The following TTC31 variants were observed in gnomAD, a reference collection of about 807,000 sequenced individuals.
TTC31 encodes tetratricopeptide repeat protein 31.
Under a neutral mutation model 60.4 loss-of-function variants are expected in TTC31, and 59 were observed. The ratio of observed to expected loss-of-function variants is 0.98; its 90% CI spans 0.79 to 1.21. The LOEUF (loss-of-function observed/expected upper bound fraction) is 1.21. TTC31 is among the 50% of genes most tolerant of loss of function. The pLI, the probability that TTC31 is intolerant of heterozygous loss-of-function variation, is 0.00. For missense variants in TTC31, 672 were observed against 646.9 expected, an observed-to-expected ratio of 1.04 and a Z score of -0.42; for synonymous variants, 225 against 249.6, an observed-to-expected ratio of 0.90 and a Z score of 0.93.
chr2:74,486,674 C>T (rs564458694), intron 2 of TTC31, among the ~76,000 whole-genome samples: 5 of 152,274 alleles, frequency 3.3e-5, no homozygotes, highest in South Asian at 2.1e-4. Context: ...ACATGGATCA[C>T]CTGAGGTCAG....
intron 2 of TTC31, 176 bp downstream of exon 2, chr2:74,483,586 G>A (rs1419189420): frequency 2.0e-6 from 3 of 1,479,400 alleles, no homozygotes; most frequent in Non-Finnish European, 2.7e-6. Flanking sequence ...CAGGGGATCA[G>A]GAGGATGATC....
intron 4 of TTC31, 59 bp from the exon 5 acceptor site, chr2:74,490,597 T>G (rs1436523273): frequency 2.5e-6 from 4 of 1,582,234 alleles, no homozygotes; most frequent in Non-Finnish European, 3.4e-6. Flanking sequence ...CCCCCTTTCA[T>G]GTTTGCTCTC....
chr2:74,492,938 G>C lies in TTC31; in HGVS notation c.1280G>C (p.Gly427Ala). 6.2e-7 allele frequency: 1 copy of C among 1,607,248 alleles called. No individual in the cohort carries two copies. Among genetic ancestry groups the C allele is most frequent in the Non-Finnish European group, 8.5e-7 (1 of 1,174,692 alleles). Residue 427 changes from glycine to alanine, a missense_variant, in exon 13 of 13, where the codon GGA (glycine) becomes GCA (alanine). Physicochemically the swap from Gly to Ala is moderately conservative, Grantham distance 60 (BLOSUM62 0). Transcript: ENST00000233623. ...LHLTLQGQRGGICAPPLSPGA... is the reference protein window; with the variant it reads ...LHLTLQGQRGAICAPPLSPGA... ...CCTTCTCAGCAGGGTCAGCGAGGAG[G>C]AATCTGTGCACCACCTCTGTCACCT...
intron 2 of TTC31, among the ~76,000 whole-genome samples, chr2:74,485,488 G>C (rs1200921820): frequency 1.6e-4 from 11 of 69,052 alleles, no homozygotes; most frequent in African/African-American, 5.6e-4. Flanking sequence ...TTTTTTTTTT[G>C]AGATGGAGTT....
chr2:74,485,006 G>C (rs1672920317), intron 2 of TTC31, among the ~76,000 whole-genome samples: 1 of 143,022 alleles, frequency 7.0e-6, no homozygotes, highest in Non-Finnish European at 1.5e-5. Context: ...CAAACATTTA[G>C]TTAGTCACTA....
chr2:74,484,850 TTTAATTAACTTTTGTTAAA>T (rs767076794), intron 2 of TTC31, among the ~76,000 whole-genome samples: 167 of 152,264 alleles, frequency 1.1e-3, no homozygotes, highest in Middle Eastern at 3.4e-3. Context: ...CAAAAGTTAA[TTTAATTAACTTTTGTTAAA>T]TTAATTTATC....
At chr2:74,488,400 A>G (rs1156492394) in intron 2 of TTC31, among the ~76,000 whole-genome samples, 2 of 152,148 alleles carry the variant, frequency 1.3e-5, no homozygotes, top group Non-Finnish European at 2.9e-5. Context: ...CCAAAAGATC[A>G]TTGGCTTCTA....
chr2:74,489,013 A>G (rs12621712), intron 2 of TTC31, among the ~76,000 whole-genome samples: 54,337 of 152,076 alleles, frequency 0.36, 15,916 homozygotes, highest in East Asian at 0.82. Context: ...TTGAGATCAT[A>G]CCACTGCACT....
rs2104242898 is a variant in TTC31, at chr2:74,491,118, AC to A, written c.547-9del. The A allele has an allele frequency of 1.2e-6, 2 of 1,614,212 alleles. No homozygotes were observed. The highest frequency in any genetic ancestry group is 4.5e-5 in the East Asian group (2 of 44,892). ...TTCAAAATACATCATTGTTACCATT[AC>A]TATTGCAGCGTCAAAAGGAACGGAA... is the stretch of plus-strand genomic sequence containing the variant. On this transcript the variant is annotated splice_polypyrimidine_tract_variant and intron_variant, in intron 5 of 12. Transcript: ENST00000233623.
Position 74,493,269 on chromosome 2 carries a change from G to A in TTC31, c.*51G>A. On this transcript the variant is annotated 3_prime_UTR_variant, in exon 13 of 13. Coordinates refer to ENST00000233623, the MANE Select transcript of TTC31 (RefSeq NM_022492.6). The stretch of plus-strand genomic sequence containing the variant: ...GGGCCATGTATATATCCCTTGGTGG[G>A]GGACATAGTGTGGTGACAGTTCACT... 4 of 1,570,890 alleles carry A rather than the reference G, an allele frequency of 2.5e-6. No individual in the cohort carries two copies. The highest frequency in any genetic ancestry group is 3.5e-6 in the Non-Finnish European group (4 of 1,148,306).
Position 74,491,626 on chromosome 2 carries a change from A to G in TTC31, c.830A>G (p.Glu277Gly). ...CTCCAGAAGATGGGTCAAGAGGAAG[A>G]GAGCCCTCCAAGAGAGGAGAGGCCC... is the stretch of plus-strand genomic sequence containing the variant. ...LALQKMGQEE[E>G]SPPREERPQQ... Residue 277 changes from glutamate to glycine, a missense_variant, in exon 8 of 13, where the codon GAG becomes GGG. Glu to Gly is a moderately conservative substitution (Grantham distance 98). Coordinates refer to ENST00000233623, the MANE Select transcript of TTC31 (RefSeq NM_022492.6). The G allele has an allele frequency of 1.2e-6, 2 of 1,614,226 alleles. No individual in the cohort carries two copies. The highest frequency in any genetic ancestry group is 2.2e-5 in the East Asian group (1 of 44,880).
intron 5 of TTC31, 104 bp downstream of exon 5, chr2:74,490,843 G>A: frequency 8.2e-7 from 1 of 1,216,400 alleles, no homozygotes; most frequent in Non-Finnish European, 1.2e-6. Flanking sequence ...GGCCTGCAGT[G>A]GACTCTCTTG....
Position 74,492,238 on chromosome 2 carries a change from G to A in TTC31, c.1019+9G>A. On this transcript the variant is annotated intron_variant, in intron 10 of 12. Transcript: ENST00000233623. Reference sequence around the variant, plus strand: ...AACCCCCAGGACCACCGGTAGGTGGGGGCTTGGCCAGGGCAGGGCAGAGTG... The same window carrying A: ...AACCCCCAGGACCACCGGTAGGTGGAGGCTTGGCCAGGGCAGGGCAGAGTG... 1.2e-6 allele frequency: 2 copies of A among 1,614,224 alleles called. No homozygotes were observed. The highest frequency in any genetic ancestry group is 1.7e-6 in the Non-Finnish European group (2 of 1,180,032).
rs766023211 is a variant in TTC31, at chr2:74,490,330, T to C, written c.319T>C (p.Cys107Arg). ...GGGGGCTGAGGGACTGGGCACCTAC[T>C]GTGGTCTCCGCAAGTCCTTCCTGTA... ...GKGAEGLGTY[C>R]GLRKSFLYPP... The change falls in exon 4 of 13, where the codon TGT becomes CGT. Residue 107 changes from cysteine to arginine, a missense_variant. Coordinates refer to ENST00000233623, the MANE Select transcript of TTC31 (RefSeq NM_022492.6). 33 of 1,614,012 alleles carry C rather than the reference T, an allele frequency of 2.0e-5. No individual in the cohort carries two copies. The highest frequency in any genetic ancestry group is 2.8e-5 in the Non-Finnish European group (33 of 1,180,006).
chr2:74,491,052 G>C, intron 5 of TTC31, 76 bp from the exon 6 acceptor site: 1 of 1,577,446 alleles, frequency 6.3e-7, no homozygotes, highest in Admixed American at 1.7e-5. Context: ...TGCAAAGATG[G>C]AATGCGAAAT....
At chr2:74,491,220 G>A in intron 6 of TTC31, 36 bp downstream of exon 6, 1 of 1,614,134 alleles carries the variant, frequency 6.2e-7, no homozygotes. Flanking sequence ...AGCACCAAGT[G>A]CCAGGAAGGT....
rs1349669936 is a variant in TTC31 at position 74,492,043 on chromosome 2, C to T, written c.916C>T (p.Gln306Ter). Reference sequence around the variant, plus strand: ...GCTGGCAGCTGCCTTACAACAGAGCCAGGAACTGGCAAGTGAGATCCTTTC... The same window carrying T: ...GCTGGCAGCTGCCTTACAACAGAGCTAGGAACTGGCAAGTGAGATCCTTTC... Reference protein sequence around the residue: ...GLLAAALQQSQELAKLGTSFA... With the variant: ...GLLAAALQQS The change falls in exon 9 of 13, where the codon CAG becomes TAG. Residue 306 changes from glutamine (Q) to a stop codon, truncating the protein, a stop_gained. Coordinates refer to ENST00000233623, the MANE Select transcript of TTC31 (RefSeq NM_022492.6). LOFTEE classifies it high-confidence loss of function. 9 of 1,614,120 alleles carry T rather than the reference C, an allele frequency of 5.6e-6. No individual in the cohort carries two copies. The highest frequency in any genetic ancestry group is 7.6e-6 in the Non-Finnish European group (9 of 1,180,046).
intron 2 of TTC31, among the ~76,000 whole-genome samples, chr2:74,487,181 G>A (rs2104158308): frequency 6.6e-6 from 1 of 152,346 alleles, no homozygotes; most frequent in Non-Finnish European, 1.5e-5. Context: ...AGCACAGACT[G>A]TGGTTTGGGG....
intron 2 of TTC31, 21 bp from the exon 3 acceptor site, chr2:74,490,004 T>TCCCCA: frequency 9.4e-6 from 6 of 635,522 alleles, no homozygotes; most frequent in Non-Finnish European, 1.6e-5. Flanking sequence ...CAGCCTCCCC[T>TCCCCA]CCCCTCCCCT....
Sources: allele counts gnomAD v4.1 joint callset (sites outside exome capture counted in the v4.1 genomes callset), GRCh38; gene constraint gnomAD v4.1.1; transcripts MANE v1.5; gene names NCBI Gene and HGNC (gene_info 2026-07-23, HGNC 2026-07-21).